The following MROH1 variants were observed in gnomAD, a reference collection of about 807,000 sequenced individuals.
MROH1 encodes the protein maestro heat like repeat family member 1.
MROH1 carries 117 observed loss-of-function variants against 116.5 expected under a neutral mutation model. The ratio of observed to expected loss-of-function variants is 1.00; its 90% CI spans 0.86 to 1.17. The LOEUF (loss-of-function observed/expected upper bound fraction) is 1.17. MROH1 is among the 50% of genes most tolerant of loss of function. The pLI is 0.00. For synonymous variants in MROH1, 921 were observed against 583.9 expected (o/e 1.58, Z -8.32); for missense variants, 1,873 against 1,338.5 (o/e 1.40, Z -6.23).
At position 144,261,204 on chromosome 8, in the gene MROH1, C is replaced by G; in HGVS notation, c.4762C>G (p.Pro1588Ala). 1.3e-6 allele frequency: 1 copy of G among 764,918 alleles called. No individual in the cohort carries two copies. The highest frequency in any genetic ancestry group is 2.4e-5 in the East Asian group (1 of 41,244). The allele number at this position is 764,918 out of a possible 1,614,324, so 47.4% of individuals were successfully genotyped here. A position where few individuals can be genotyped will look rare whatever the true frequency, so the allele number is the denominator to read the frequency against. Residue 1588 changes from proline (P) to alanine (A), a missense_variant, in exon 42 of 44, where the codon CCC becomes GCC. Pro to Ala is a conservative substitution (Grantham distance 27, BLOSUM62 -1). Coordinates refer to ENST00000326134, the MANE Select transcript of MROH1 (RefSeq NM_032450.3). ...CTGGGAGAACGTCCGAGCTGCTGCA[C>G]CCCTGTTCACCGGTAAGCACCACCC... Reference protein sequence around the residue: ...SSWENVRAAAPLFTGFLVLHS... With the variant: ...SSWENVRAAAALFTGFLVLHS...
At chr8:144,247,873 C>T (rs923050369) in intron 31 of MROH1, among the ~76,000 whole-genome samples, 194 bp downstream of exon 31, 5 of 152,268 alleles carry the variant, frequency 3.3e-5, no homozygotes, top group South Asian at 4.1e-4. Context: ...CACCCGCCTA[C>T]GCTGGGGCAG....
At chr8:144,154,871 C>T (rs1036372442) in intron 1 of MROH1, among the ~76,000 whole-genome samples, 2,757 of 150,592 alleles carry the variant, frequency 0.018, 99 homozygotes, top group African/African-American at 0.064. Context: ...CAGGCTGGAG[C>T]GCAGTGGTGC....
chr8:144,247,250 G>T, intron 29 of MROH1, 51 bp from the exon 30 acceptor site: 1 of 752,052 alleles, frequency 1.3e-6, no homozygotes, highest in South Asian at 1.4e-5. Context: ...TGGCATAGGT[G>T]GCATCCACCC....
At chr8:144,256,227 C>T (rs1172057050) in intron 35 of MROH1, among the ~76,000 whole-genome samples, 3 of 151,774 alleles carry the variant, frequency 2.0e-5, no homozygotes, top group Non-Finnish European at 4.4e-5. Context: ...AGGCTGACAC[C>T]CTGGGCAGGC....
intron 14 of MROH1, among the ~76,000 whole-genome samples, chr8:144,227,675 C>T (rs6990354): frequency 0.42 from 62,755 of 151,136 alleles, 15,528 homozygotes; most frequent in East Asian, 0.72. Context: ...GCTGGGCCAG[C>T]GCAGTGGCTC....
intron 11 of MROH1, 40 bp downstream of exon 11, chr8:144,199,240 ACACT>A (rs1371466939): frequency 5.7e-6 from 9 of 1,592,208 alleles, no homozygotes; most frequent in Non-Finnish European, 6.9e-6. Flanking sequence ...GCATCTGTGG[ACACT>A]CACAGGGTCA....
intron 12 of MROH1, among the ~76,000 whole-genome samples, chr8:144,210,309 G>A (rs996062577): frequency 6.6e-6 from 1 of 151,960 alleles, no homozygotes; most frequent in Non-Finnish European, 1.5e-5. Context: ...GTGGTGGCAG[G>A]TGCCTGTAAT....
chr8:144,228,068 C>T (rs1838142219), intron 14 of MROH1, among the ~76,000 whole-genome samples: 1 of 151,936 alleles, frequency 6.6e-6, no homozygotes, highest in Non-Finnish European at 1.5e-5. Context: ...CTCATCTCTA[C>T]AAAAAAATTT....
intron 12 of MROH1, among the ~76,000 whole-genome samples, chr8:144,204,181 G>C (rs1832335380): frequency 6.6e-6 from 1 of 152,194 alleles, no homozygotes; most frequent in African/African-American, 2.4e-5. Flanking sequence ...TGCAGTCATA[G>C]CTTACTGTAG....
chr8:144,209,905 C>A (rs1291770342), intron 12 of MROH1, among the ~76,000 whole-genome samples: 1,520 of 108,980 alleles, frequency 0.014, no homozygotes, highest in Non-Finnish European at 0.015. Flanking sequence ...GACCCTGTCT[C>A]AAAAAAAAAA....
In MROH1 at chr8:144,244,069, CCTTGTGTGTGCGCAT is replaced by C. The variant is rs1336010538; in HGVS notation, c.2555+128_2556-138del. 3.4e-5 allele frequency: 24 copies of C among 707,962 alleles called. No individual in the cohort carries two copies. In the South Asian group the frequency reaches 3.5e-4, roughly 10 times the overall value. The allele number at this position is 707,962 out of a possible 1,614,324, so 43.9% of individuals were successfully genotyped here. ...GTGCCTGTGCTTGCGTGTGTGCACG[CCTTGTGTGTGCGCAT>C]GCTGCATGGGGTGCCGCCATGGTCT... is the stretch of plus-strand genomic sequence containing the variant. On this transcript the variant is annotated intron_variant, in intron 26 of 43. Coordinates refer to ENST00000326134, the MANE Select transcript of MROH1 (RefSeq NM_032450.3).
At position 144,182,107 on chromosome 8, in the gene MROH1, T is replaced by C. The variant is rs1009142245; in HGVS notation, c.562+1584T>C. Among the ~76,000 whole-genome samples, 1 of 152,144 alleles carries C rather than the reference T, an allele frequency of 6.6e-6. No individual in the cohort carries two copies. The highest frequency in any genetic ancestry group is 1.5e-5 in the Non-Finnish European group (1 of 68,024). On this transcript the variant is annotated intron_variant, in intron 7 of 43. Transcript: ENST00000326134. This position sits in a 1 kb window ranked among gnomAD's most constrained non-coding sequence, Gnocchi z 4.1. ...TTGCATCTGGAGGGGTTGGTGGTCC[T>C]GCTGGCTGGAGCAGCCTGGGGCCAG...
intron 4 of MROH1, among the ~76,000 whole-genome samples, chr8:144,172,238 G>C (rs1464282153): frequency 6.6e-6 from 1 of 152,038 alleles, no homozygotes; most frequent in East Asian, 1.9e-4. Context: ...ATTTAACTAA[G>C]AGTCTGACAC....
At chr8:144,248,692 G>A (rs915094154) in intron 31 of MROH1, among the ~76,000 whole-genome samples, 185 bp from the exon 32 acceptor site, 32 of 152,142 alleles carry the variant, frequency 2.1e-4, no homozygotes, top group African/African-American at 5.6e-4. Flanking sequence ...GGCAGGTTCC[G>A]GAGAAGGAGA....
At chr8:144,210,561 G>A (rs766985992) in intron 12 of MROH1, among the ~76,000 whole-genome samples, 2 of 151,884 alleles carry the variant, frequency 1.3e-5, no homozygotes, top group Admixed American at 1.3e-4. Flanking sequence ...GTATAGTGGC[G>A]CACACCTGTC....
chr8:144,153,977 G>A (rs896392797), intron 1 of MROH1, among the ~76,000 whole-genome samples: 2 of 152,140 alleles, frequency 1.3e-5, no homozygotes, highest in Admixed American at 6.5e-5. Flanking sequence ...AGCCAGGATG[G>A]TCTCGATCTC....
intron 1 of MROH1, among the ~76,000 whole-genome samples, chr8:144,154,065 T>A (rs1289456329): frequency 1.4e-5 from 2 of 144,858 alleles, no homozygotes; most frequent in Admixed American, 6.7e-5. Flanking sequence ...CACCCTATTT[T>A]TATTTTTATT....
At chr8:144,200,563 T>C (rs1314247452) in intron 12 of MROH1, 22 bp downstream of exon 12, 11 of 1,515,180 alleles carry the variant, frequency 7.3e-6, no homozygotes, top group Non-Finnish European at 2.7e-6. Context: ...CATGCTAGCC[T>C]GGCCGCCACC....
In MROH1 at chr8:144,163,184, T is replaced by C. The variant is rs1036019918; in HGVS notation, c.-56-587T>C. 6.6e-6 allele frequency among the ~76,000 whole-genome samples: 1 copy of C among 152,146 alleles called. No homozygotes were observed. Among genetic ancestry groups the C allele is most frequent in the African/African-American group, 2.4e-5 (1 of 41,414 alleles). On this transcript the variant is annotated intron_variant, in intron 2 of 43. Coordinates refer to ENST00000326134, the MANE Select transcript of MROH1 (RefSeq NM_032450.3). The surrounding 1 kb of genome is among the most constrained non-coding windows in gnomAD (Gnocchi z 4.4). Reference sequence around the variant, plus strand: ...GAGGTGATCAAGGGAATTAAGGGGCTGGTGGGAGACTCAGAGAACAGAGAA... The same window carrying C: ...GAGGTGATCAAGGGAATTAAGGGGCCGGTGGGAGACTCAGAGAACAGAGAA...
Sources: gnomAD v4.1 joint callset for allele counts (sites outside exome capture counted in the v4.1 genomes callset) on GRCh38, gnomAD v4.1.1 for gene constraint, Gnocchi (gnomAD v3.1) non-coding constraint, MANE v1.5 for transcripts, NCBI Gene and HGNC (gene_info 2026-07-23, HGNC 2026-07-21) for gene names.